The following SPTBN1 variants were observed in gnomAD, a reference collection of about 807,000 sequenced individuals.
SPTBN1 encodes spectrin beta chain, non-erythrocytic 1.
A neutral mutation model predicts 266.4 loss-of-function variants in SPTBN1; 32 were observed. The ratio of observed to expected loss-of-function variants is 0.12; its 90% CI spans 0.09 to 0.16. The LOEUF is 0.16. Ranked by LOEUF, SPTBN1 falls within the 10% of genes least tolerant of loss-of-function variation. SPTBN1 has a pLI of 1.00. For missense variants in SPTBN1, 2,296 were observed against 3,067.1 expected (o/e 0.75, Z 5.94); for synonymous variants, 1,336 against 1,162.2 (o/e 1.15, Z -3.04).
At chr2:54,485,364 T>A (rs2103965875) in intron 1 of SPTBN1, among the ~76,000 whole-genome samples, 1 of 152,338 alleles carries the variant, frequency 6.6e-6, no homozygotes, top group South Asian at 2.1e-4. Context: ...CTGGTTTTCG[T>A]ATTTTTTTGG....
chr2:54,617,218 T>A (rs2103835439), intron 5 of SPTBN1, among the ~76,000 whole-genome samples: 1 of 152,358 alleles, frequency 6.6e-6, no homozygotes, highest in South Asian at 2.1e-4. Flanking sequence ...CACCACTTCT[T>A]GTCCCAAAGT....
At chr2:54,547,734 TGATAAAAATA>T (rs111433142) in intron 2 of SPTBN1, among the ~76,000 whole-genome samples, 7,232 of 152,214 alleles carry the variant, frequency 0.048, 571 homozygotes, top group African/African-American at 0.17. Flanking sequence ...AAGGTATCGG[TGATAAAAATA>T]GTAATGAAAA....
intron 1 of SPTBN1, among the ~76,000 whole-genome samples, chr2:54,516,547 A>G (rs1670118886): frequency 6.6e-6 from 1 of 152,232 alleles, no homozygotes; most frequent in African/African-American, 2.4e-5. Context: ...ATTATGATTG[A>G]AAATACAAAA....
intron 1 of SPTBN1, among the ~76,000 whole-genome samples, chr2:54,494,585 A>T (rs1668867625): frequency 6.6e-6 from 1 of 152,378 alleles, no homozygotes; most frequent in South Asian, 2.1e-4. Flanking sequence ...TATATGTAGC[A>T]ACATCAGTGA....
rs1342145495 is a variant in SPTBN1 at position 54,628,815 on chromosome 2, C to T, written c.1799-118C>T. 1.5e-6 allele frequency: 2 copies of T among 1,343,704 alleles called. No individual in the cohort carries two copies. Among genetic ancestry groups the T allele is most frequent in the Admixed American group, 4.9e-5 (2 of 41,106 alleles). The allele number at this position is 1,343,704 out of a possible 1,614,324, so 83.2% of individuals were successfully genotyped here. A position where few individuals can be genotyped will look rare whatever the true frequency, so the allele number is the denominator to read the frequency against. ...GCCTTATCGCATGGCCCTGCATTTA[C>T]ATTTAGCAGTGAGCTGGTAATCATA... On this transcript the variant is annotated intron_variant, in intron 13 of 35. Coordinates refer to ENST00000356805, the MANE Select transcript of SPTBN1 (RefSeq NM_003128.3). The surrounding 1 kb of genome is among the most constrained non-coding windows in gnomAD (Gnocchi z 4.3).
intron 18 of SPTBN1, among the ~76,000 whole-genome samples, chr2:54,638,658 C>T (rs1427783705): frequency 6.6e-6 from 1 of 152,234 alleles, no homozygotes; most frequent in Non-Finnish European, 1.5e-5. Flanking sequence ...CGTGAGCACA[C>T]CATATTTCTC....
intron 2 of SPTBN1, among the ~76,000 whole-genome samples, chr2:54,539,735 T>A (rs1671825565): frequency 6.6e-6 from 1 of 152,176 alleles, no homozygotes; most frequent in African/African-American, 2.4e-5. Context: ...GGAGACGAAT[T>A]TTGGCCATGT....
At chr2:54,631,871 T>G (rs1204804479) in intron 16 of SPTBN1, among the ~76,000 whole-genome samples, 1 of 152,188 alleles carries the variant, frequency 6.6e-6, no homozygotes, top group Non-Finnish European at 1.5e-5. Context: ...GGATCTCTTA[T>G]GTGTTCATAG....
Position 54,668,456 on chromosome 2 carries a change from A to G in SPTBN1, c.6982A>G (p.Thr2328Ala). The G allele has an allele frequency of 6.2e-7, 1 of 1,613,972 alleles. No individual in the cohort carries two copies. Among genetic ancestry groups the G allele is most frequent in the Non-Finnish European group, 8.5e-7 (1 of 1,180,014 alleles). Residue 2328 changes from threonine to alanine, a missense_variant, in exon 36 of 36, where the codon ACC (threonine) becomes GCC (alanine). Transcript: ENST00000356805. ...QSTPASSRAQTLPTSVVTITS... is the reference protein window; with the variant it reads ...QSTPASSRAQALPTSVVTITS... The stretch of plus-strand genomic sequence containing the variant: ...CACGCCAGCATCCAGCCGCGCGCAG[A>G]CCCTCCCCACCAGCGTCGTCACCAT...
intron 26 of SPTBN1, 119 bp downstream of exon 26, chr2:54,650,108 C>G: frequency 9.3e-6 from 12 of 1,290,914 alleles, no homozygotes; most frequent in Non-Finnish European, 1.3e-5. Context: ...CAATTAAGCA[C>G]ATACATGTAC....
intron 1 of SPTBN1, among the ~76,000 whole-genome samples, chr2:54,481,539 C>A (rs1668106828): frequency 6.6e-6 from 1 of 152,012 alleles, no homozygotes; most frequent in South Asian, 2.1e-4. Flanking sequence ...ATTAATGATA[C>A]ACTTGGTGAA....
intron 2 of SPTBN1, among the ~76,000 whole-genome samples, chr2:54,589,563 C>T (rs1457902131): frequency 6.6e-6 from 1 of 152,188 alleles, no homozygotes; most frequent in Non-Finnish European, 1.5e-5. Flanking sequence ...GCATTTAGAG[C>T]AAATATTTAC....
chr2:54,616,161 G>T, intron 4 of SPTBN1, 46 bp from the exon 5 acceptor site: 1 of 1,555,234 alleles, frequency 6.4e-7, no homozygotes. Flanking sequence ...GGTTCTTTTA[G>T]GCAGCTGACC....
At chr2:54,548,074 T>C (rs1174507462) in intron 2 of SPTBN1, among the ~76,000 whole-genome samples, 11 of 151,918 alleles carry the variant, frequency 7.2e-5, no homozygotes, top group African/African-American at 2.4e-5. Flanking sequence ...ACCCAGGAGG[T>C]GGAGCTTGCA....
rs528227287 is a variant in SPTBN1, at chr2:54,668,709, T to C, written c.*140T>C. On this transcript the variant is annotated 3_prime_UTR_variant, in exon 36 of 36. Transcript: ENST00000356805. ...TTTTTTTTTTTTAATTTATAGAGCA[T>C]TTCGGGGGGGGTGGGGGAAACACAC... 2.5e-5 allele frequency: 15 copies of C among 592,640 alleles called. No homozygotes were observed. The African/African-American group carries it at 2.5e-4, about 10-fold the overall frequency. 36.7% of individuals were successfully genotyped at this position (592,640 alleles called of 1,614,324 possible). A position where few individuals can be genotyped will look rare whatever the true frequency, so the allele number is the denominator to read the frequency against.
At chr2:54,660,939 G>A in intron 32 of SPTBN1, 1 of 985,296 alleles carries the variant, frequency 1.0e-6, no homozygotes. Context: ...ATGACTTCAG[G>A]GTGTCAAACT....
chr2:54,522,697 G>GAGAGAGAGAGAAAGAA (rs1553439438), intron 1 of SPTBN1, among the ~76,000 whole-genome samples: 1 of 97,270 alleles, frequency 1.0e-5, no homozygotes, highest in African/African-American at 4.1e-5. Context: ...GAGAGAGAGA[G>GAGAGAGAGAGAAAGAA]AGAAAGAAAG....
chr2:54,640,545 GGTTTT>G (rs560757566), intron 18 of SPTBN1, among the ~76,000 whole-genome samples: 2 of 152,084 alleles, frequency 1.3e-5, no homozygotes, highest in South Asian at 2.1e-4. Context: ...TCTTTGTAGT[GGTTTT>G]GTTTTGTTTT....
At chr2:54,566,511 TTTAA>T (rs1207087776) in intron 2 of SPTBN1, among the ~76,000 whole-genome samples, 3 of 152,078 alleles carry the variant, frequency 2.0e-5, no homozygotes, top group African/African-American at 7.2e-5. Flanking sequence ...TTTTCAAATG[TTTAA>T]TATTCTCTGC....
Sources: gnomAD v4.1 joint callset for allele counts (sites outside exome capture counted in the v4.1 genomes callset) on GRCh38, gnomAD v4.1.1 for gene constraint, Gnocchi (gnomAD v3.1) non-coding constraint, MANE v1.5 for transcripts, NCBI Gene and HGNC (gene_info 2026-07-23, HGNC 2026-07-21) for gene names.